The following BRINP1 variants were observed in gnomAD, a reference collection of about 807,000 sequenced individuals.
BRINP1 encodes the protein BMP/retinoic acid-inducible neural-specific protein 1.
BRINP1 carries 17 observed loss-of-function variants against 72.9 expected under a neutral mutation model. That is an observed-to-expected ratio of 0.23 (90% CI 0.16 to 0.35). BRINP1 has a LOEUF of 0.35. Ranked by LOEUF, BRINP1 falls within the 10% of genes least tolerant of loss-of-function variation. BRINP1 has a pLI of 1.00. For missense variants in BRINP1, 850 were observed against 1,001.6 expected (o/e 0.85, Z 2.04); for synonymous variants, 418 against 378.5 (o/e 1.10, Z -1.21).
In BRINP1 at chr9:119,289,001, T is replaced by C. The variant is rs1038889417; in HGVS notation, c.218+24137A>G. Among the ~76,000 whole-genome samples the C allele has an allele frequency of 2.6e-5, 4 of 152,320 alleles. No individual in the cohort carries two copies. The East Asian group carries it at 7.7e-4, about 29-fold the overall frequency. On this transcript the variant is annotated intron_variant, in intron 2 of 7. Transcript: ENST00000265922. ...ATTTAGTAGAGATGGGGTTTCACCA[T>C]GTTGGTCAGGCTGATCTCGAACTCC...
intron 2 of BRINP1, among the ~76,000 whole-genome samples, chr9:119,308,918 C>T (rs531716500): frequency 2.0e-5 from 3 of 151,826 alleles, no homozygotes; most frequent in African/African-American, 7.3e-5. Context: ...TCTATTAAAA[C>T]CATCTTTGAA....
At chr9:119,253,393 G>A (rs1830413241) in intron 2 of BRINP1, among the ~76,000 whole-genome samples, 1 of 152,120 alleles carries the variant, frequency 6.6e-6, no homozygotes, top group Non-Finnish European at 1.5e-5. Context: ...AAGAAAATAT[G>A]TATACATACT....
chr9:119,195,269 T>G lies in BRINP1; in HGVS notation c.1145+13450A>C, dbSNP rs1588160641. ...TAGTGAGTATTCACTAAATATTTGTTGAATGAATAAATGAATGAATGAATA... is the reference window on the plus strand; with the variant it reads ...TAGTGAGTATTCACTAAATATTTGTGGAATGAATAAATGAATGAATGAATA... On this transcript the variant is annotated intron_variant, in intron 7 of 7. Transcript: ENST00000265922. Among the ~76,000 whole-genome samples, 3 of 152,304 alleles carry G rather than the reference T, an allele frequency of 2.0e-5. 1 individual carries two copies. Among genetic ancestry groups the G allele is most frequent in the South Asian group, 4.1e-4 (2 of 4,826 alleles).
rs1383876361 is a variant in BRINP1, at chr9:119,213,958, T to C, written c.883A>G (p.Lys295Glu). The change falls in exon 6 of 8, where the codon AAG (lysine) becomes GAG (glutamate). Residue 295 changes from lysine (K) to glutamate (E), a missense_variant. Coordinates refer to ENST00000265922, the MANE Select transcript of BRINP1 (RefSeq NM_014618.3). ...TCCTTATAAGCTTCGGCCCAAGACT[T>C]GGCCATGTTGGCCAGCGTGTACTCC... The part of the protein sequence containing the change: ...IMEYTLANMA[K>E]SWAEAYKDLE... 5 of 1,614,190 alleles carry C rather than the reference T, an allele frequency of 3.1e-6. No individual in the cohort carries two copies. In the Admixed American group the frequency reaches 6.7e-5, roughly 22 times the overall value.
intron 2 of BRINP1, among the ~76,000 whole-genome samples, chr9:119,307,084 G>T (rs1343398772): frequency 6.6e-6 from 1 of 151,378 alleles, no homozygotes; most frequent in Non-Finnish European, 1.5e-5. Context: ...GCTGGAGAAG[G>T]CTATCCTATG....
intron 5 of BRINP1, among the ~76,000 whole-genome samples, chr9:119,232,079 C>T (rs1252511203): frequency 3.9e-5 from 6 of 152,174 alleles, no homozygotes; most frequent in Non-Finnish European, 7.4e-5. Flanking sequence ...CCCATCAAAA[C>T]TGGTCCTTAC....
At chr9:119,362,900 G>A (rs2119045354) in intron 1 of BRINP1, among the ~76,000 whole-genome samples, 2 of 152,284 alleles carry the variant, frequency 1.3e-5, no homozygotes, top group South Asian at 4.1e-4. Context: ...CAAACTACCT[G>A]CCTTCCAACC....
chr9:119,216,837 T>C (rs566594299), intron 5 of BRINP1, among the ~76,000 whole-genome samples: 261 of 152,290 alleles, frequency 1.7e-3, no homozygotes, highest in Non-Finnish European at 3.0e-3. Flanking sequence ...TTGGCAAGGA[T>C]ACAAAAGGCA....
intron 2 of BRINP1, among the ~76,000 whole-genome samples, chr9:119,270,799 T>G (rs1830598469): frequency 6.6e-6 from 1 of 152,244 alleles, no homozygotes; most frequent in Admixed American, 6.5e-5. Flanking sequence ...AGAAATATTA[T>G]TGACATTCCC....
chr9:119,252,537 AAT>A (rs1429909801), intron 2 of BRINP1, among the ~76,000 whole-genome samples: 1 of 150,352 alleles, frequency 6.7e-6, no homozygotes, highest in East Asian at 1.9e-4. Flanking sequence ...TATATAGAAA[AAT>A]ATATATAGTC....
At chr9:119,288,268 T>C (rs1280996049) in intron 2 of BRINP1, among the ~76,000 whole-genome samples, 1 of 152,238 alleles carries the variant, frequency 6.6e-6, no homozygotes, top group Non-Finnish European at 1.5e-5. Flanking sequence ...TCACTGTGAA[T>C]GATGTTGTTA....
At chr9:119,280,421 T>G (rs916990351) in intron 2 of BRINP1, among the ~76,000 whole-genome samples, 2 of 151,396 alleles carry the variant, frequency 1.3e-5, no homozygotes, top group Non-Finnish European at 2.9e-5. Context: ...TTTTTTTGTA[T>G]TTTTAGTAGA....
At chr9:119,208,214 C>T (rs1027164269) in intron 7 of BRINP1, among the ~76,000 whole-genome samples, 2 of 152,124 alleles carry the variant, frequency 1.3e-5, no homozygotes, top group African/African-American at 4.8e-5. Context: ...GGACCCTGCA[C>T]TCAATGACCC....
Position 119,359,374 on chromosome 9 carries a change from AT to A in BRINP1, c.-51+9681del, listed in dbSNP as rs1467744547. Among the ~76,000 whole-genome samples, 6 of 152,212 alleles carry A rather than the reference AT, an allele frequency of 3.9e-5. No individual in the cohort carries two copies. The East Asian group carries it at 7.7e-4, about 20-fold the overall frequency. ...CCACATCTGGCTAATTATTTTTTAA[AT>A]TTTTTGTAGAGACAGGATCTTGCTA... On this transcript the variant is annotated intron_variant, in intron 1 of 7. Transcript: ENST00000265922.
At chr9:119,315,995 G>C (rs922213881) in intron 1 of BRINP1, among the ~76,000 whole-genome samples, 4 of 152,202 alleles carry the variant, frequency 2.6e-5, no homozygotes, top group Non-Finnish European at 4.4e-5. Context: ...AAAGTACAAG[G>C]TGAAGAAGCT....
At chr9:119,174,246 C>T (rs1326951350) in intron 7 of BRINP1, among the ~76,000 whole-genome samples, 2 of 150,192 alleles carry the variant, frequency 1.3e-5, no homozygotes, top group African/African-American at 5.0e-5. Flanking sequence ...CCAGAATCTA[C>T]AATGAACTCA....
At chr9:119,234,695 G>T (rs545186673) in intron 5 of BRINP1, among the ~76,000 whole-genome samples, 1 of 151,768 alleles carries the variant, frequency 6.6e-6, no homozygotes, top group African/African-American at 2.4e-5. Flanking sequence ...GAATAAAAAT[G>T]AGCTCACTCA....
chr9:119,259,047 C>T (rs147666209), intron 2 of BRINP1, among the ~76,000 whole-genome samples: 12 of 152,248 alleles, frequency 7.9e-5, no homozygotes, highest in Admixed American at 1.3e-4. Context: ...CAGGAGTCTC[C>T]ACAATGCTCT....
intron 2 of BRINP1, among the ~76,000 whole-genome samples, chr9:119,300,552 C>A (rs1310419882): frequency 2.6e-5 from 4 of 152,090 alleles, no homozygotes; most frequent in African/African-American, 9.7e-5. Flanking sequence ...AAATAATAAC[C>A]CCACTGTGTC....
Sources: allele counts gnomAD v4.1 joint callset (sites outside exome capture counted in the v4.1 genomes callset), GRCh38; gene constraint gnomAD v4.1.1; transcripts MANE v1.5; gene names NCBI Gene and HGNC (gene_info 2026-07-23, HGNC 2026-07-21).